DMD: variants seen among roughly 807,000 people sequenced by gnomAD.
The protein encoded by DMD is dystrophin, also known as mutant dystrophin.
DMD carries 63 observed loss-of-function variants against 330.1 expected under a neutral mutation model. The observed-to-expected ratio is 0.19, with a 90% CI of 0.16 to 0.24. The LOEUF is 0.24. DMD is among the 10% of genes least tolerant of loss of function. The probability of loss-of-function intolerance (pLI) is 1.00; values close to 1 mark genes in which losing one functional copy is unlikely to be tolerated. For synonymous variants in DMD, 1,223 were observed against 959.8 expected (o/e 1.27, Z -5.07); for missense variants, 3,344 against 2,684.1 (o/e 1.25, Z -5.43).
At chrX:32,651,615 T>C (rs2060160926) in intron 9 of DMD, among the ~76,000 whole-genome samples, 1 of 111,241 alleles carries the variant, frequency 9.0e-6, no homozygotes, top group Non-Finnish European at 1.9e-5. Context: ...GATATCACAC[T>C]GAGGAAGATA....
At chrX:31,963,071 A>T (rs1027769864) in intron 45 of DMD, among the ~76,000 whole-genome samples, 3 of 111,967 alleles carry the variant, frequency 2.7e-5, no homozygotes, top group African/African-American at 9.7e-5. Context: ...AGTTAAAGAA[A>T]ACTTAAGAGA....
intron 68 of DMD, 80 bp from the exon 69 acceptor site, chrX:31,180,561 C>T (rs960149735): frequency 1.5e-6 from 1 of 675,100 alleles, no homozygotes; most frequent in African/African-American, 2.2e-5. Flanking sequence ...AACCTTCTAC[C>T]ACGTTCTAAT....
At chrX:32,773,414 A>G (rs779491727) in intron 7 of DMD, among the ~76,000 whole-genome samples, 1 of 111,614 alleles carries the variant, frequency 9.0e-6, no homozygotes, top group South Asian at 3.7e-4. Context: ...CTAAATTCCA[A>G]TTTAACTATT....
chrX:31,511,592 C>A (rs1432708079), intron 55 of DMD, among the ~76,000 whole-genome samples: 1 of 104,149 alleles, frequency 9.6e-6, no homozygotes, highest in Non-Finnish European at 1.9e-5. Flanking sequence ...GTTTGGTGTT[C>A]TGTTCTTGTG....
At position 31,376,055 on chromosome X, in the gene DMD, T is replaced by C. The variant is rs1308685978; in HGVS notation, c.9085-27421A>G. Reference sequence around the variant, plus strand: ...CACCCTGGATATTACGTCTCCGTAATCTGATTTTTTACACCAATGTTTCTA... The same window carrying C: ...CACCCTGGATATTACGTCTCCGTAACCTGATTTTTTACACCAATGTTTCTA... On this transcript the variant is annotated intron_variant, in intron 60 of 78. Coordinates refer to ENST00000357033, the MANE Select transcript of DMD (RefSeq NM_004006.3). Among the ~76,000 whole-genome samples the C allele has an allele frequency of 5.4e-5, 6 of 111,698 alleles. No homozygotes were observed. The East Asian group carries it at 1.7e-3, about 31-fold the overall frequency.
chrX:31,387,794 G>T (rs1470699925), intron 60 of DMD, among the ~76,000 whole-genome samples: 1 of 110,245 alleles, frequency 9.1e-6, no homozygotes, highest in Non-Finnish European at 1.9e-5. Context: ...TGAACTTTCG[G>T]GTCTCCCTCC....
intron 60 of DMD, among the ~76,000 whole-genome samples, chrX:31,434,409 A>AGCGCCC (rs2064316891): frequency 1.6e-5 from 1 of 61,314 alleles, no homozygotes; most frequent in African/African-American, 8.0e-5. Flanking sequence ...CCCTTACTGC[A>AGCGCCC]GCGCGCGCGC....
intron 30 of DMD, among the ~76,000 whole-genome samples, chrX:32,410,003 A>G (rs1350779051): frequency 8.9e-6 from 1 of 111,734 alleles, no homozygotes; most frequent in African/African-American, 3.2e-5. Context: ...TTTTATATCA[A>G]AAAACCTTTT....
At chrX:32,408,512 G>T (rs1026072090) in intron 30 of DMD, among the ~76,000 whole-genome samples, 1 of 111,431 alleles carries the variant, frequency 9.0e-6, no homozygotes, top group Non-Finnish European at 1.9e-5. Context: ...GATCTCAAAC[G>T]ATCTTAAAAT....
At chrX:31,886,784 C>T (rs1426424100) in intron 47 of DMD, among the ~76,000 whole-genome samples, 1 of 111,630 alleles carries the variant, frequency 9.0e-6, no homozygotes, top group Non-Finnish European at 1.9e-5. Flanking sequence ...AAGTCTAAAA[C>T]ATTTTAGTGC....
intron 51 of DMD, among the ~76,000 whole-genome samples, chrX:31,738,184 C>T (rs2087017305): frequency 9.0e-6 from 1 of 111,113 alleles, no homozygotes; most frequent in Non-Finnish European, 1.9e-5. Context: ...TAACAGATAC[C>T]CATACGTAAA....
In DMD at chrX:32,454,819, T is replaced by A; in HGVS notation, c.3446A>T (p.Lys1149Met). The change falls in exon 26 of 79, where the codon AAG becomes ATG. Residue 1149 changes from lysine (K) to methionine (M), a missense_variant. Transcript: ENST00000357033. ...CTCCAAACCTCCCTTCAAGGCCTCC[T>A]TTCTGGCATAGACCTTCCACAAAAC... Reference protein sequence around the residue: ...DHMCQQVYARKEALKGGLEKT... With the variant: ...DHMCQQVYARMEALKGGLEKT... The A allele has an allele frequency of 8.3e-7, 1 of 1,207,538 alleles. No homozygotes were observed. The highest frequency in any genetic ancestry group is 1.1e-6 in the Non-Finnish European group (1 of 893,131).
intron 74 of DMD, among the ~76,000 whole-genome samples, chrX:31,151,724 A>T (rs2037440589): frequency 8.9e-6 from 1 of 112,371 alleles, no homozygotes; most frequent in Admixed American, 9.4e-5. Flanking sequence ...GATGTTTGAA[A>T]TTTCTCTTGG....
intron 52 of DMD, among the ~76,000 whole-genome samples, chrX:31,700,902 T>C (rs917987552): frequency 6.3e-5 from 7 of 111,943 alleles, no homozygotes; most frequent in African/African-American, 1.9e-4. Flanking sequence ...GATGTGATAA[T>C]AGGCCTAACA....
intron 60 of DMD, 76 bp from the exon 61 acceptor site, chrX:31,348,710 G>T: frequency 1.1e-6 from 1 of 897,528 alleles, no homozygotes; most frequent in Non-Finnish European, 1.6e-6. Context: ...TATCCTTTCT[G>T]ATAAGATACT....
chrX:31,907,446 A>AGG (rs2094491885), intron 47 of DMD, among the ~76,000 whole-genome samples: 1 of 111,903 alleles, frequency 8.9e-6, no homozygotes, highest in African/African-American at 3.2e-5. Context: ...AAACCTGACA[A>AGG]AAAACAAGAA....
intron 15 of DMD, among the ~76,000 whole-genome samples, chrX:32,567,977 T>C (rs1025602739): frequency 2.7e-5 from 3 of 112,183 alleles, no homozygotes; most frequent in Non-Finnish European, 5.6e-5. Context: ...TTAGAAACTA[T>C]TTTAAATAGC....
intron 49 of DMD, among the ~76,000 whole-genome samples, chrX:31,826,433 T>C (rs1454948092): frequency 8.9e-6 from 1 of 112,557 alleles, no homozygotes; most frequent in Non-Finnish European, 1.9e-5. Context: ...TTCAAGAGTT[T>C]GGTGTACTGT....
chrX:31,139,948 A>AT (rs1237634858), intron 76 of DMD, among the ~76,000 whole-genome samples: 2 of 112,706 alleles, frequency 1.8e-5, no homozygotes, highest in East Asian at 5.5e-4. Context: ...TCACTGAAAC[A>AT]TTTTTTAAAA....
Sources: allele counts gnomAD v4.1 joint callset (sites outside exome capture counted in the v4.1 genomes callset), GRCh38; gene constraint gnomAD v4.1.1; transcripts MANE v1.5; gene names NCBI Gene and HGNC (gene_info 2026-07-23, HGNC 2026-07-21).